Variants in RNASET2 observed in about 807,000 individuals in gnomAD.
RNASET2 encodes the protein ribonuclease T2.
RNASET2 carries 28 observed loss-of-function variants against 33.9 expected under a neutral mutation model. The observed-to-expected ratio is 0.83, with a 90% CI of 0.61 to 1.13. RNASET2 has a LOEUF of 1.13. Among genes scored for constraint, RNASET2 ranks in the 50% most tolerant of loss-of-function variants. The probability of loss-of-function intolerance (pLI) is 0.00; values close to 1 mark genes in which losing one functional copy is unlikely to be tolerated. For missense variants in RNASET2, 330 were observed against 319.9 expected (o/e 1.03, Z -0.24); for synonymous variants, 123 against 121.0 (o/e 1.02, Z -0.11).
At chr6:166,930,436 G>A (rs901726369) in intron 8 of RNASET2, among the ~76,000 whole-genome samples, 3 of 151,758 alleles carry the variant, frequency 2.0e-5, no homozygotes, top group African/African-American at 7.3e-5. Flanking sequence ...ACAGGCCCAT[G>A]CACACACACA....
chr6:166,955,397 G>A (rs112074021), intron 1 of RNASET2: 8,980 of 519,144 alleles, frequency 0.017, 891 homozygotes, highest in East Asian at 0.1. Flanking sequence ...ACACACACGC[G>A]CACACACACA....
chr6:166,955,559 C>A (rs1178523087), intron 1 of RNASET2: 6 of 986,886 alleles, frequency 6.1e-6, no homozygotes, highest in Non-Finnish European at 7.2e-6. Flanking sequence ...TCTGAGAGAA[C>A]TTCGAGTGCA....
At position 166,926,369 on chromosome 6, in the gene RNASET2, C is replaced by T. The variant is rs1314713928; in HGVS notation, c.*3219G>A. Among the ~76,000 whole-genome samples the T allele has an allele frequency of 3.3e-5, 5 of 151,746 alleles. No homozygotes were observed. The highest frequency in any genetic ancestry group is 2.0e-4 in the Admixed American group (3 of 15,242). On this transcript the variant is annotated 3_prime_UTR_variant, in exon 9 of 9. Transcript: ENST00000508775. ...CCTGGCCAACACAGTGAAACCCCAA[C>T]TCTACTAAAAATACAAAAAATAGCC...
At position 166,924,259 on chromosome 6, in the gene RNASET2, C is replaced by A. The variant is rs529641098; in HGVS notation, c.*5329G>T. ...GGGACTACAGGTGCCCGCCACCATG[C>A]CCGGCCAATTTTTGTATTTTTAGTA... On this transcript the variant is annotated 3_prime_UTR_variant, in exon 9 of 9. Coordinates refer to ENST00000508775, the MANE Select transcript of RNASET2 (RefSeq NM_003730.6). Among the ~76,000 whole-genome samples, 3 of 152,186 alleles carry A rather than the reference C, an allele frequency of 2.0e-5. No individual in the cohort carries two copies. The highest frequency in any genetic ancestry group is 7.2e-5 in the African/African-American group (3 of 41,430).
Position 166,938,990 on chromosome 6 carries a change from C to T in RNASET2, c.351G>A (p.Lys117=), listed in dbSNP as rs373505402. ...CCACCTGGGCGGCGCAGGTCCCATGCTTTTCCCACTCATGCTTCCTGTGAG... is the reference window on the plus strand; with the variant it reads ...CCACCTGGGCGGCGCAGGTCCCATGTTTTTCCCACTCATGCTTCCTGTGAG... ...RSRFWKHEWE[K]HGTCAAQVDA... is the part of the protein sequence containing the mutation. Residue 117 remains lysine (K), a synonymous_variant, in exon 6 of 9, where the codon AAG becomes AAA. Coordinates refer to ENST00000508775, the MANE Select transcript of RNASET2 (RefSeq NM_003730.6). 25 of 1,613,004 alleles carry T rather than the reference C, an allele frequency of 1.5e-5. No individual in the cohort carries two copies. The African/African-American group carries it at 2.9e-4, about 19-fold the overall frequency.
chr6:166,955,395 GCGCACACACA>G (rs1562507821), intron 1 of RNASET2: 1 of 262,102 alleles, frequency 3.8e-6, no homozygotes, highest in Non-Finnish European at 4.3e-6. Flanking sequence ...ACACACACAC[GCGCACACACA>G]CACGCGCACA....
In RNASET2 at chr6:166,938,981, G is replaced by T. The variant is rs750265990; in HGVS notation, c.360C>A (p.Thr120=). Residue 120 remains threonine (T), a synonymous_variant, in exon 6 of 9, where the codon ACC becomes ACA. Transcript: ENST00000508775. ...TGAGCGCATCCACCTGGGCGGCGCA[G>T]GTCCCATGCTTTTCCCACTCATGCT... ...FWKHEWEKHG[T]CAAQVDALNS... 8.7e-6 allele frequency: 14 copies of T among 1,613,324 alleles called. No individual in the cohort carries two copies. The highest frequency in any genetic ancestry group is 5.1e-6 in the Non-Finnish European group (6 of 1,179,916).
In RNASET2 at chr6:166,922,810, G is replaced by A. The variant is rs1323150481; in HGVS notation, c.*6778C>T. Reference sequence around the variant, plus strand: ...CGAGCAGCCCACATCTCAGGGTGCAGTCCAAGACATATGGTCATCAAGACA... The same window carrying A: ...CGAGCAGCCCACATCTCAGGGTGCAATCCAAGACATATGGTCATCAAGACA... On this transcript the variant is annotated 3_prime_UTR_variant, in exon 9 of 9. Coordinates refer to ENST00000508775, the MANE Select transcript of RNASET2 (RefSeq NM_003730.6). 6.6e-6 allele frequency among the ~76,000 whole-genome samples: 1 copy of A among 152,186 alleles called. No individual in the cohort carries two copies.
At chr6:166,952,467 C>T (rs749495157) in intron 2 of RNASET2, 21 bp downstream of exon 2, 28 of 1,611,312 alleles carry the variant, frequency 1.7e-5, no homozygotes, top group Non-Finnish European at 2.2e-5. Flanking sequence ...CCCCAGGGCC[C>T]GTCAAGGCAG....
chr6:166,956,093 T>A lies in RNASET2; in HGVS notation c.86+4A>T, dbSNP rs1408009499. The A allele has an allele frequency of 2.6e-6, 4 of 1,551,264 alleles. No individual in the cohort carries two copies. Among genetic ancestry groups the A allele is most frequent in the Non-Finnish European group, 3.5e-6 (4 of 1,146,934 alleles). The stretch of plus-strand genomic sequence containing the variant: ...TCCCCACTTTACCTCGCAAGGTAAC[T>A]CACCGCAGGCGCTTGTCCGCACCGC... On this transcript the variant is annotated splice_donor_region_variant and intron_variant, in intron 1 of 8. Coordinates refer to ENST00000508775, the MANE Select transcript of RNASET2 (RefSeq NM_003730.6).
At chr6:166,938,820 T>C in intron 6 of RNASET2, 75 bp downstream of exon 6, 1 of 1,045,258 alleles carries the variant, frequency 9.6e-7, no homozygotes, top group East Asian at 2.4e-5. Context: ...CCCACTCCCC[T>C]GGATCCAGCT....
chr6:166,952,338 G>C (rs79554501), intron 2 of RNASET2, 150 bp downstream of exon 2: 13,451 of 732,574 alleles, frequency 0.018, 243 homozygotes, highest in East Asian at 0.069. Flanking sequence ...CCCTCCTGGA[G>C]GCAGTCTCTG....
At position 166,956,175 on chromosome 6, in the gene RNASET2, G is replaced by A. The variant is rs1481833205; in HGVS notation, c.8C>T (p.Pro3Leu). 6.5e-7 allele frequency: 1 copy of A among 1,549,476 alleles called. No homozygotes were observed. The highest frequency in any genetic ancestry group is 2.4e-5 in the East Asian group (1 of 40,874). ...CAGCAGGGCCCCGCGCAGGGCTGCA[G>A]GGCGCATGGTGCCGACCTGCGGAGA... MR[P>L]AALRGALLGC... The change falls in exon 1 of 9, where the codon CCT (proline) becomes CTT (leucine). Residue 3 changes from proline (P) to leucine (L), a missense_variant. Transcript: ENST00000508775.
chr6:166,944,118 TA>T (rs1269155278), intron 4 of RNASET2: 8 of 151,564 alleles, frequency 5.3e-5, no homozygotes, highest in South Asian at 2.0e-4. Flanking sequence ...GACTCCATCT[TA>T]AAAAAAAACA....
At chr6:166,953,879 C>CAAAAAAAA (rs548523987) in intron 1 of RNASET2, among the ~76,000 whole-genome samples, 1,248 of 110,510 alleles carry the variant, frequency 0.011, 16 homozygotes, top group African/African-American at 0.038. Context: ...GACCCTGTCT[C>CAAAAAAAA]AAAAAAAAAA....
At chr6:166,955,251 ACACACGCACACACACACACGCG>A (rs1779097880) in intron 1 of RNASET2, among the ~76,000 whole-genome samples, 1 of 110,780 alleles carries the variant, frequency 9.0e-6, no homozygotes, top group African/African-American at 4.2e-5. Context: ...ACACACACGC[ACACACGCACACACACACACGCG>A]CACACACGAC....
intron 5 of RNASET2, among the ~76,000 whole-genome samples, chr6:166,942,700 C>T (rs550257687): frequency 3.3e-5 from 5 of 152,246 alleles, no homozygotes; most frequent in Non-Finnish European, 7.4e-5. Context: ...CCTCAGCCTC[C>T]CAAAGTGCTA....
Position 166,926,351 on chromosome 6 carries a change from A to G in RNASET2, c.*3237T>C, listed in dbSNP as rs1030481452. Among the ~76,000 whole-genome samples the G allele has an allele frequency of 6.6e-6, 1 of 151,850 alleles. No individual in the cohort carries two copies. Among genetic ancestry groups the G allele is most frequent in the African/African-American group, 2.4e-5 (1 of 41,314 alleles). On this transcript the variant is annotated 3_prime_UTR_variant, in exon 9 of 9. Coordinates refer to ENST00000508775, the MANE Select transcript of RNASET2 (RefSeq NM_003730.6). ...TCAGGAGTTCCAGACCAGCCTGGCC[A>G]ACACAGTGAAACCCCAACTCTACTA...
intron 1 of RNASET2, among the ~76,000 whole-genome samples, chr6:166,955,193 A>ACG (rs1428589410): frequency 0.017 from 1,959 of 117,704 alleles, 136 homozygotes; most frequent in African/African-American, 0.061. Context: ...ACACACGCAC[A>ACG]CACGCACGCA....
Sources: allele counts gnomAD v4.1 joint callset (sites outside exome capture counted in the v4.1 genomes callset), GRCh38; gene constraint gnomAD v4.1.1; transcripts MANE v1.5; gene names NCBI Gene and HGNC (gene_info 2026-07-23, HGNC 2026-07-21).